The following PPIP5K2 variants were observed in gnomAD, a reference collection of about 807,000 sequenced individuals.
The protein encoded by PPIP5K2 is inositol hexakisphosphate and diphosphoinositol-pentakisphosphate kinase 2.
PPIP5K2 carries 105 observed loss-of-function variants against 154.6 expected under a neutral mutation model. That is an observed-to-expected ratio of 0.68 (90% confidence interval 0.58 to 0.80). PPIP5K2 has a LOEUF of 0.80. Ranked by LOEUF, PPIP5K2 falls within the 30% of genes least tolerant of loss-of-function variation. The pLI, the probability that PPIP5K2 is intolerant of heterozygous loss-of-function variation, is 0.00. For synonymous variants in PPIP5K2, 480 were observed against 490.3 expected, an observed-to-expected ratio of 0.98 and a Z score of 0.28; for missense variants, 992 against 1,504.6, an observed-to-expected ratio of 0.66 and a Z score of 5.64.
intron 27 of PPIP5K2, 142 bp from the exon 28 acceptor site, chr5:103,187,172 A>G (rs998700360): frequency 1.2e-5 from 7 of 562,158 alleles, no homozygotes; most frequent in African/African-American, 1.1e-4. Context: ...TTTAACCAAT[A>G]TTTACCTTAT....
intron 3 of PPIP5K2, 124 bp from the exon 4 acceptor site, chr5:103,136,608 T>C: frequency 1.4e-6 from 1 of 708,784 alleles, no homozygotes; most frequent in Non-Finnish European, 2.5e-6. Flanking sequence ...CCATACCTTT[T>C]ATAGAAGGGT....
At chr5:103,169,005 TTTTAC>T (rs1554218786) in intron 19 of PPIP5K2, among the ~76,000 whole-genome samples, 1 of 151,878 alleles carries the variant, frequency 6.6e-6, no homozygotes, top group East Asian at 1.9e-4. Context: ...TTGCAAGTCT[TTTTAC>T]TTTATGCAAA....
chr5:103,169,944 C>G (rs1797718276), intron 19 of PPIP5K2, among the ~76,000 whole-genome samples: 1 of 151,626 alleles, frequency 6.6e-6, no homozygotes. Flanking sequence ...GTATCACCTA[C>G]TCAGAGGCTA....
intron 3 of PPIP5K2, among the ~76,000 whole-genome samples, chr5:103,133,891 GT>G (rs1281736029): frequency 2.0e-5 from 3 of 151,942 alleles, no homozygotes; most frequent in African/African-American, 7.2e-5. Context: ...ATATCAAGAA[GT>G]TTTTTTCCCC....
intron 1 of PPIP5K2, among the ~76,000 whole-genome samples, chr5:103,121,753 A>G (rs1788784206): frequency 6.6e-6 from 1 of 152,246 alleles, no homozygotes; most frequent in Admixed American, 6.5e-5. Context: ...TTTTAAAATC[A>G]AAGGTTGCTG....
chr5:103,146,481 A>G lies in PPIP5K2; in HGVS notation c.488-46A>G, dbSNP rs1239694075. On this transcript the variant is annotated intron_variant, in intron 5 of 30. Transcript: ENST00000358359. The stretch of plus-strand genomic sequence containing the variant: ...GATAATAATGTGGTGTCCTGATAAT[A>G]TAATAAGAATATGTGATATTTCTTG... 1.2e-5 allele frequency: 19 copies of G among 1,578,162 alleles called. No homozygotes were observed. In the Admixed American group the frequency reaches 2.3e-4, roughly 19 times the overall value.
At chr5:103,197,793 G>A (rs144635880) in intron 30 of PPIP5K2, among the ~76,000 whole-genome samples, 4,745 of 151,388 alleles carry the variant, frequency 0.031, 257 homozygotes, top group African/African-American at 0.11. Flanking sequence ...GGCCAGGCTG[G>A]TCTCGAACTC....
Position 103,202,700 on chromosome 5 carries a change from T to C in PPIP5K2, c.*1066T>C, listed in dbSNP as rs1253314279. On this transcript the variant is annotated 3_prime_UTR_variant, in exon 31 of 31. Transcript: ENST00000358359. ...TTTCATCTGTGATGTGAAAAATCAA[T>C]TTATTATCCTTGGTGCTTTCCCCCC... 2 of 152,124 alleles carry C rather than the reference T, an allele frequency of 1.3e-5. No homozygotes were observed. The highest frequency in any genetic ancestry group is 2.9e-5 in the Non-Finnish European group (2 of 68,016). The allele number at this position is 152,124 out of a possible 1,614,324, so 9.4% of individuals were successfully genotyped here. A position where few individuals can be genotyped will look rare whatever the true frequency, so the allele number is the denominator to read the frequency against.
chr5:103,197,569 A>ATTTTT (rs782156090), intron 30 of PPIP5K2, among the ~76,000 whole-genome samples: 47 of 86,962 alleles, frequency 5.4e-4, no homozygotes, highest in Non-Finnish European at 6.7e-4. Flanking sequence ...TAAAACACAA[A>ATTTTT]TTTTTTTTTT....
intron 30 of PPIP5K2, 102 bp from the exon 31 acceptor site, chr5:103,201,420 T>A: frequency 1.5e-6 from 1 of 679,564 alleles, no homozygotes. Context: ...TACATCACAA[T>A]TATAACAAGA....
At chr5:103,198,226 T>C (rs1252702050) in intron 30 of PPIP5K2, among the ~76,000 whole-genome samples, 1 of 152,164 alleles carries the variant, frequency 6.6e-6, no homozygotes, top group African/African-American at 2.4e-5. Flanking sequence ...TTTAGTTCCA[T>C]TGCAGTTATA....
chr5:103,174,914 C>A (rs1412847107), intron 21 of PPIP5K2, among the ~76,000 whole-genome samples: 2 of 151,974 alleles, frequency 1.3e-5, no homozygotes, highest in African/African-American at 4.8e-5. Context: ...GTATTCTTCC[C>A]ACATACAAAA....
intron 13 of PPIP5K2, among the ~76,000 whole-genome samples, 191 bp downstream of exon 13, chr5:103,155,134 T>G (rs2149587753): frequency 6.6e-6 from 1 of 152,224 alleles, no homozygotes; most frequent in Admixed American, 6.5e-5. Context: ...TTAGTTTTAA[T>G]TTTGGTGAGA....
At chr5:103,197,209 G>GA (rs1802225951) in intron 30 of PPIP5K2, among the ~76,000 whole-genome samples, 1 of 152,040 alleles carries the variant, frequency 6.6e-6, no homozygotes, top group South Asian at 2.1e-4. Context: ...AAATAATTGG[G>GA]AAGTGCTTTC....
In PPIP5K2 at chr5:103,211,733, A is replaced by G. The variant is rs545062614; in HGVS notation, c.*10099A>G. 12 of 152,224 alleles carry G rather than the reference A, an allele frequency of 7.9e-5. No individual in the cohort carries two copies. The South Asian group carries it at 1.9e-3, about 24-fold the overall frequency. 9.4% of individuals were successfully genotyped at this position (152,224 alleles called of 1,614,324 possible). A position where few individuals can be genotyped will look rare whatever the true frequency, so the allele number is the denominator to read the frequency against. ...ATGCTGGTTATAAACCAGTTACTAC[A>G]CTAAGCCCTGATGATACAAATATGA... On this transcript the variant is annotated 3_prime_UTR_variant, in exon 31 of 31. Coordinates refer to ENST00000358359, the MANE Select transcript of PPIP5K2 (RefSeq NM_001276277.3).
In PPIP5K2 at chr5:103,208,195, A is replaced by T. The variant is rs1803620454; in HGVS notation, c.*6561A>T. 6.6e-6 allele frequency: 1 copy of T among 151,326 alleles called. No homozygotes were observed. Among genetic ancestry groups the T allele is most frequent in the African/African-American group, 2.4e-5 (1 of 41,068 alleles). The allele number at this position is 151,326 out of a possible 1,614,324, so 9.4% of individuals were successfully genotyped here. A position where few individuals can be genotyped will look rare whatever the true frequency, so the allele number is the denominator to read the frequency against. Reference sequence around the variant, plus strand: ...AACCTCCACCTTCCAGTTTCAAATGATTCTCCTCCCTCAGCCTCCAGAGTA... The same window carrying T: ...AACCTCCACCTTCCAGTTTCAAATGTTTCTCCTCCCTCAGCCTCCAGAGTA... On this transcript the variant is annotated 3_prime_UTR_variant, in exon 31 of 31. Coordinates refer to ENST00000358359, the MANE Select transcript of PPIP5K2 (RefSeq NM_001276277.3).
chr5:103,184,591 C>T, intron 25 of PPIP5K2, 81 bp from the exon 26 acceptor site: 1 of 1,027,938 alleles, frequency 9.7e-7, no homozygotes, highest in Non-Finnish European at 1.5e-6. Flanking sequence ...CTTTGTCTGT[C>T]TGGAACAGGC....
In PPIP5K2 at chr5:103,158,528, C is replaced by T; in HGVS notation, c.1692C>T (p.Ala564=). 3 of 1,612,256 alleles carry T rather than the reference C, an allele frequency of 1.9e-6. No individual in the cohort carries two copies. The highest frequency in any genetic ancestry group is 2.5e-6 in the Non-Finnish European group (3 of 1,179,392). Residue 564 remains alanine (A), a synonymous_variant, in exon 16 of 31, where the codon GCC becomes GCT. Transcript: ENST00000358359. ...ACAGACATGACCTCAAAATATATGCCTCTGATGAAGGACGAGTCCAGATGA... is the reference window on the plus strand; with the variant it reads ...ACAGACATGACCTCAAAATATATGCTTCTGATGAAGGACGAGTCCAGATGA... ...STYRHDLKIY[A]SDEGRVQMTA... is the part of the protein sequence containing the mutation.
At chr5:103,195,275 C>T (rs938472415) in intron 30 of PPIP5K2, among the ~76,000 whole-genome samples, 4 of 152,084 alleles carry the variant, frequency 2.6e-5, no homozygotes, top group Admixed American at 1.3e-4. Context: ...AACTAATTTA[C>T]GGACTGTCTT....
Sources: gnomAD v4.1 joint callset for allele counts (sites outside exome capture counted in the v4.1 genomes callset) on GRCh38, gnomAD v4.1.1 for gene constraint, MANE v1.5 for transcripts, NCBI Gene and HGNC (gene_info 2026-07-23, HGNC 2026-07-21) for gene names.